The following CHRNB3 variants were observed in gnomAD, a reference collection of about 807,000 sequenced individuals.
CHRNB3 encodes the protein neuronal acetylcholine receptor subunit beta-3.
A neutral mutation model predicts 40.6 loss-of-function variants in CHRNB3; 37 were observed. The observed-to-expected ratio is 0.91, with a 90% confidence interval of 0.70 to 1.20. The LOEUF is 1.20. Among genes scored for constraint, CHRNB3 ranks in the 50% most tolerant of loss-of-function variants. CHRNB3 has a pLI of 0.00. For missense variants in CHRNB3, 505 were observed against 551.2 expected, an observed-to-expected ratio of 0.92 and a Z score of 0.84; for synonymous variants, 207 against 207.1, an observed-to-expected ratio of 1.00 and a Z score of 0.00.
intron 1 of CHRNB3, chr8:42,705,669 T>C (rs942156840): frequency 1.3e-5 from 2 of 152,236 alleles, no homozygotes; most frequent in Admixed American, 1.3e-4. Flanking sequence ...TATCCTGTTG[T>C]AGCAGCACAA....
At chr8:42,717,347 C>G (rs1389913130) in intron 3 of CHRNB3, among the ~76,000 whole-genome samples, 1 of 96,608 alleles carries the variant, frequency 1.0e-5, no homozygotes, top group Non-Finnish European at 2.1e-5. Context: ...GCACTCCAGC[C>G]TGGGTGACAG....
intron 3 of CHRNB3, among the ~76,000 whole-genome samples, chr8:42,728,412 A>G (rs1465136583): frequency 3.3e-5 from 5 of 152,052 alleles, no homozygotes; most frequent in Admixed American, 1.3e-4. Flanking sequence ...GGTCCCAGCT[A>G]CTTGGGAGCC....
rs757202941 is a variant in CHRNB3, at chr8:42,731,748, C to T, written c.441C>T (p.Ala147=). Residue 147 remains alanine (A), a synonymous_variant, in exon 5 of 6, where the codon GCC becomes GCT. Coordinates refer to ENST00000289957, the MANE Select transcript of CHRNB3 (RefSeq NM_000749.5). ...SNGTVVWTPP[A]SYKSSCTMDV... ...GAACTGTTGTCTGGACCCCTCCCGC[C>T]AGCTACAAAAGCTCCTGCACCATGG... 6.2e-7 allele frequency: 1 copy of T among 1,614,092 alleles called. No homozygotes were observed. Among genetic ancestry groups the T allele is most frequent in the South Asian group, 1.1e-5 (1 of 91,070 alleles).
rs571261170 is a variant in CHRNB3, at chr8:42,699,227, C to G, written c.52+1629C>G. ...TATTTCTGGCTTTGGTAAAAAGGAG[C>G]CTTGGGTGTGGCCATGGGTTGTCTC... On this transcript the variant is annotated intron_variant, in intron 1 of 5. Coordinates refer to ENST00000289957, the MANE Select transcript of CHRNB3 (RefSeq NM_000749.5). 9.9e-5 allele frequency among the ~76,000 whole-genome samples: 15 copies of G among 152,208 alleles called. No homozygotes were observed. In the East Asian group the frequency reaches 2.9e-3, roughly 29 times the overall value.
At chr8:42,718,141 T>A (rs891984779) in intron 3 of CHRNB3, among the ~76,000 whole-genome samples, 1 of 152,072 alleles carries the variant, frequency 6.6e-6, no homozygotes, top group African/African-American at 2.4e-5. Context: ...TCATCCTTAA[T>A]AACAAATGAC....
intron 5 of CHRNB3, 34 bp from the exon 6 acceptor site, chr8:42,736,450 T>A (rs1816524325): frequency 6.2e-7 from 1 of 1,612,850 alleles, no homozygotes; most frequent in African/African-American, 1.3e-5. Flanking sequence ...TTGCTCAGTG[T>A]CTTGAGTGAA....
chr8:42,718,000 T>G, intron 3 of CHRNB3, among the ~76,000 whole-genome samples: 1 of 150,770 alleles, frequency 6.6e-6, no homozygotes, highest in East Asian at 1.9e-4. Context: ...GCCTGGCTAA[T>G]TTTTGTATTT....
intron 3 of CHRNB3, among the ~76,000 whole-genome samples, chr8:42,728,917 G>A (rs1816353170): frequency 6.6e-6 from 1 of 152,080 alleles, no homozygotes; most frequent in South Asian, 2.1e-4. Flanking sequence ...AGATCTCTGA[G>A]ACTCAGACCT....
chr8:42,715,917 T>C (rs758966749), intron 3 of CHRNB3, among the ~76,000 whole-genome samples: 1 of 151,466 alleles, frequency 6.6e-6, no homozygotes, highest in Non-Finnish European at 1.5e-5. Flanking sequence ...TCCTGCTCCA[T>C]CATATCAAGG....
chr8:42,703,440 T>TATATATATATATATATATATATATATA (rs1554589400), intron 1 of CHRNB3, among the ~76,000 whole-genome samples: 1 of 80,716 alleles, frequency 1.2e-5, no homozygotes, highest in South Asian at 5.5e-4. Context: ...AAAAAAATAT[T>TATATATATATATATATATATATATATA]TATATATATA....
chr8:42,708,474 TACACACAC>T (rs4955), intron 1 of CHRNB3, among the ~76,000 whole-genome samples: 6 of 148,814 alleles, frequency 4.0e-5, no homozygotes, highest in Admixed American at 2.0e-4. Context: ...TCAAAAAAAA[TACACACAC>T]ACACACACAC....
At chr8:42,710,581 G>A in intron 3 of CHRNB3, 147 bp downstream of exon 3, 1 of 660,868 alleles carries the variant, frequency 1.5e-6, no homozygotes, top group Non-Finnish European at 2.5e-6. Context: ...TTTATTTTCT[G>A]TTGTGAGTGT....
At chr8:42,728,847 G>A (rs143159177) in intron 3 of CHRNB3, among the ~76,000 whole-genome samples, 1 of 152,070 alleles carries the variant, frequency 6.6e-6, no homozygotes, top group South Asian at 2.1e-4. Flanking sequence ...AAATTTTTAC[G>A]AAGTGCATAA....
rs1816425449 is a variant in CHRNB3 at position 42,731,747 on chromosome 8, C to T, written c.440C>T (p.Ala147Val). The change falls in exon 5 of 6, where the codon GCC (alanine) becomes GTC (valine). Residue 147 changes from alanine (A) to valine (V), a missense_variant. By Grantham distance (64) the Ala-to-Val change is moderately conservative. Coordinates refer to ENST00000289957, the MANE Select transcript of CHRNB3 (RefSeq NM_000749.5). The stretch of plus-strand genomic sequence containing the variant: ...GGAACTGTTGTCTGGACCCCTCCCG[C>T]CAGCTACAAAAGCTCCTGCACCATG... Reference protein sequence around the residue: ...SNGTVVWTPPASYKSSCTMDV... With the variant: ...SNGTVVWTPPVSYKSSCTMDV... The T allele has an allele frequency of 6.2e-7, 1 of 1,613,964 alleles. No individual in the cohort carries two copies. Among genetic ancestry groups the T allele is most frequent in the Admixed American group, 1.7e-5 (1 of 59,984 alleles).
At chr8:42,715,648 C>G (rs1219169014) in intron 3 of CHRNB3, among the ~76,000 whole-genome samples, 1 of 152,082 alleles carries the variant, frequency 6.6e-6, no homozygotes, top group Admixed American at 6.5e-5. Context: ...TTCCATAGCT[C>G]TCCTCTGGTA....
In CHRNB3 at chr8:42,700,019, C is replaced by CTTTTTTTTT. The variant is rs573615558; in HGVS notation, c.52+2425_52+2433dup. Reference sequence around the variant, plus strand: ...TTGGAATTCTTCAATAATTTCTTTTCTTTTTTTTTTTTGAGATGGAGTCTC... The same window carrying CTTTTTTTTT: ...TTGGAATTCTTCAATAATTTCTTTTCTTTTTTTTTTTTTTTTTTTTTGAGATGGAGTCTC... On this transcript the variant is annotated intron_variant, in intron 1 of 5. Coordinates refer to ENST00000289957, the MANE Select transcript of CHRNB3 (RefSeq NM_000749.5). Among the ~76,000 whole-genome samples the CTTTTTTTTT allele has an allele frequency of 5.6e-3, 784 of 140,848 alleles. 9 individuals carry two copies. Among genetic ancestry groups the CTTTTTTTTT allele is most frequent in the African/African-American group, 0.02 (757 of 38,310 alleles). 92.4% of individuals were successfully genotyped at this position (140,848 alleles called of 152,430 possible).
chr8:42,725,783 C>T (rs765831775), intron 3 of CHRNB3: 67 of 889,636 alleles, frequency 7.5e-5, no homozygotes, highest in Middle Eastern at 6.4e-4. Context: ...AAAATGAGTT[C>T]CCAGACAGAC....
intron 3 of CHRNB3, among the ~76,000 whole-genome samples, chr8:42,724,299 A>G (rs79615301): frequency 0.025 from 3,827 of 152,146 alleles, 173 homozygotes; most frequent in African/African-American, 0.087. Context: ...AACCCCCAAC[A>G]CCTAACATAA....
intron 3 of CHRNB3, among the ~76,000 whole-genome samples, chr8:42,716,157 G>T (rs1261188837): frequency 6.6e-6 from 1 of 151,816 alleles, no homozygotes; most frequent in African/African-American, 2.4e-5. Context: ...TGTATTTTTC[G>T]TAGAGACGAG....
Sources: allele counts gnomAD v4.1 joint callset (sites outside exome capture counted in the v4.1 genomes callset), GRCh38; gene constraint gnomAD v4.1.1; transcripts MANE v1.5; gene names NCBI Gene and HGNC (gene_info 2026-07-23, HGNC 2026-07-21).